CDH13: variants seen among roughly 807,000 people sequenced by gnomAD.
CDH13 encodes cadherin-13.
In CDH13, 24 loss-of-function variants were observed where a neutral mutation model predicts 63.8. The observed-to-expected ratio is 0.38, with a 90% CI of 0.27 to 0.53. The LOEUF is 0.53. Among genes scored for constraint, CDH13 ranks in the 20% least tolerant of loss-of-function variants. The pLI is 0.85. For synonymous variants in CDH13, 503 were observed against 355.3 expected (o/e 1.42, Z -4.67); for missense variants, 1,049 against 903.1 (o/e 1.16, Z -2.07).
At chr16:82,707,401 G>A (rs1349862648) in intron 1 of CDH13, among the ~76,000 whole-genome samples, 1 of 152,194 alleles carries the variant, frequency 6.6e-6, no homozygotes, top group Non-Finnish European at 1.5e-5. Flanking sequence ...AGAATGAGCA[G>A]GGGTATAATG....
At chr16:83,788,142 A>G (rs1338446457) in intron 13 of CDH13, among the ~76,000 whole-genome samples, 1 of 152,208 alleles carries the variant, frequency 6.6e-6, no homozygotes, top group Non-Finnish European at 1.5e-5. Context: ...TACATCACAC[A>G]TTGCCCTCTG....
At chr16:83,343,190 T>C (rs1254668397) in intron 5 of CDH13, among the ~76,000 whole-genome samples, 1 of 152,084 alleles carries the variant, frequency 6.6e-6, no homozygotes, top group East Asian at 1.9e-4. Flanking sequence ...AATTTAAAAA[T>C]TATCTACCCA....
At chr16:83,411,370 C>A (rs570935735) in intron 6 of CDH13, among the ~76,000 whole-genome samples, 1 of 152,280 alleles carries the variant, frequency 6.6e-6, no homozygotes, top group South Asian at 2.1e-4. Flanking sequence ...CATCCACAAG[C>A]ATCCAATGTA....
intron 4 of CDH13, among the ~76,000 whole-genome samples, chr16:83,138,562 C>T (rs1248111140): frequency 6.6e-6 from 1 of 152,094 alleles, no homozygotes; most frequent in African/African-American, 2.4e-5. Context: ...TTCAAAGTGG[C>T]TGTGATGCAA....
At chr16:83,055,551 A>C (rs1476014228) in intron 3 of CDH13, among the ~76,000 whole-genome samples, 2 of 151,152 alleles carry the variant, frequency 1.3e-5, no homozygotes, top group East Asian at 3.9e-4. Context: ...AGTGTACCAA[A>C]GCATACCAAA....
chr16:83,663,133 A>G (rs1913594584), intron 8 of CDH13, among the ~76,000 whole-genome samples: 2 of 152,200 alleles, frequency 1.3e-5, no homozygotes, highest in South Asian at 2.1e-4. Context: ...CAAAGAAATA[A>G]TCCCATTTTT....
At chr16:82,673,447 A>G (rs1259210943) in intron 1 of CDH13, among the ~76,000 whole-genome samples, 1 of 152,140 alleles carries the variant, frequency 6.6e-6, no homozygotes, top group Non-Finnish European at 1.5e-5. Flanking sequence ...TTTTTGCACA[A>G]CAAACGTTTA....
At chr16:82,667,755 C>A (rs1163257699) in intron 1 of CDH13, among the ~76,000 whole-genome samples, 1 of 152,108 alleles carries the variant, frequency 6.6e-6, no homozygotes, top group Non-Finnish European at 1.5e-5. Context: ...CTCTCCCCTT[C>A]TGAGCCGCCA....
chr16:83,342,260 T>G (rs1056384523), intron 5 of CDH13, among the ~76,000 whole-genome samples: 4 of 152,206 alleles, frequency 2.6e-5, no homozygotes, highest in Non-Finnish European at 5.9e-5. Flanking sequence ...ATATCCTTCA[T>G]AGCCCTCATC....
At chr16:82,896,441 T>G (rs901051722) in intron 2 of CDH13, among the ~76,000 whole-genome samples, 9 of 151,768 alleles carry the variant, frequency 5.9e-5, no homozygotes, top group African/African-American at 2.2e-4. Flanking sequence ...CTACAGGGGT[T>G]CCCCACTATG....
At chr16:83,569,282 C>G (rs1199815834) in intron 7 of CDH13, among the ~76,000 whole-genome samples, 1 of 152,120 alleles carries the variant, frequency 6.6e-6, no homozygotes, top group African/African-American at 2.4e-5. Flanking sequence ...CCCATTGGAA[C>G]CAGCTCCACA....
intron 4 of CDH13, among the ~76,000 whole-genome samples, chr16:83,130,419 G>A (rs949658608): frequency 5.9e-5 from 9 of 152,122 alleles, no homozygotes; most frequent in Admixed American, 2.0e-4. Flanking sequence ...ATACTCTTCC[G>A]TGGAATGAAA....
chr16:83,671,928 A>G (rs1914533373), intron 9 of CDH13, among the ~76,000 whole-genome samples: 1 of 152,244 alleles, frequency 6.6e-6, no homozygotes. Flanking sequence ...ATTTCTACAC[A>G]GTTTCACTCT....
chr16:82,647,993 G>A (rs1805884011), intron 1 of CDH13, among the ~76,000 whole-genome samples: 1 of 152,140 alleles, frequency 6.6e-6, no homozygotes, highest in South Asian at 2.1e-4. Flanking sequence ...AGATCTGAGG[G>A]TTTCATAAGG....
chr16:83,075,592 C>A (rs1476731659), intron 3 of CDH13, among the ~76,000 whole-genome samples: 1 of 152,186 alleles, frequency 6.6e-6, no homozygotes, highest in African/African-American at 2.4e-5. Flanking sequence ...TGTTTGGATT[C>A]AGATGAACTT....
chr16:83,044,469 C>T (rs545200247), intron 3 of CDH13, among the ~76,000 whole-genome samples: 1 of 152,288 alleles, frequency 6.6e-6, no homozygotes, highest in African/African-American at 2.4e-5. Context: ...ATTTTAAAAA[C>T]TTTTCCTGTG....
intron 2 of CDH13, among the ~76,000 whole-genome samples, chr16:82,882,628 C>T (rs2040745235): frequency 6.6e-6 from 1 of 152,096 alleles, no homozygotes; most frequent in Non-Finnish European, 1.5e-5. Flanking sequence ...TTCCTTCCCT[C>T]CCTTCCTATC....
intron 3 of CDH13, among the ~76,000 whole-genome samples, chr16:83,117,121 G>A (rs1186469715): frequency 1.3e-5 from 2 of 152,204 alleles, no homozygotes; most frequent in Admixed American, 6.5e-5. Flanking sequence ...CCACAAAGCA[G>A]CTATGATCTG....
intron 2 of CDH13, among the ~76,000 whole-genome samples, chr16:83,008,605 G>A (rs1913792855): frequency 6.6e-6 from 1 of 152,178 alleles, no homozygotes; most frequent in East Asian, 1.9e-4. Flanking sequence ...CAAACATAAT[G>A]TTATACTTGG....
Sources: gnomAD v4.1 joint callset for allele counts (sites outside exome capture counted in the v4.1 genomes callset) on GRCh38, gnomAD v4.1.1 for gene constraint, MANE v1.5 for transcripts, NCBI Gene and HGNC (gene_info 2026-07-23, HGNC 2026-07-21) for gene names.